Variants in UGT2B7 observed in about 807,000 individuals in gnomAD.
The protein encoded by UGT2B7 is UDP-glucuronosyltransferase 2B7.
Under a neutral mutation model 51.9 loss-of-function variants are expected in UGT2B7, and 51 were observed. That is an observed-to-expected ratio of 0.98 (90% CI 0.78 to 1.24). The LOEUF (loss-of-function observed/expected upper bound fraction) is 1.24, where lower values mean the gene tolerates loss of function less well. UGT2B7 is among the 50% of genes most tolerant of loss of function. UGT2B7 has a pLI of 0.00. For missense variants in UGT2B7, 727 were observed against 628.4 expected (o/e 1.16, Z -1.68); for synonymous variants, 225 against 211.6 (o/e 1.06, Z -0.55).
At chr4:69,076,318 A>G (rs1398775969) in intron 1 of UGT2B7, among the ~76,000 whole-genome samples, 1 of 152,214 alleles carries the variant, frequency 6.6e-6, no homozygotes, top group Non-Finnish European at 1.5e-5. Flanking sequence ...ATGCTGAGTC[A>G]AATGGTATTT....
chr4:69,081,747 A>C (rs1350604131), intron 1 of UGT2B7, among the ~76,000 whole-genome samples: 1 of 152,124 alleles, frequency 6.6e-6, no homozygotes, highest in Middle Eastern at 3.2e-3. Context: ...ATTGCTCCAT[A>C]GATGGATAAT....
intron 2 of UGT2B7, among the ~76,000 whole-genome samples, chr4:69,090,831 GA>G (rs1169127823): frequency 1.3e-5 from 2 of 152,138 alleles, no homozygotes; most frequent in African/African-American, 2.4e-5. Flanking sequence ...CTTGCTAAAG[GA>G]AAATCTTGAT....
At chr4:69,077,231 G>A (rs1718727158) in intron 1 of UGT2B7, among the ~76,000 whole-genome samples, 1 of 151,946 alleles carries the variant, frequency 6.6e-6, no homozygotes, top group African/African-American at 2.4e-5. Context: ...TCCAGCTTTG[G>A]TCTTTTTGCT....
At chr4:69,088,052 A>T (rs1374046627) in intron 1 of UGT2B7, among the ~76,000 whole-genome samples, 1 of 151,120 alleles carries the variant, frequency 6.6e-6, no homozygotes, top group East Asian at 1.9e-4. Flanking sequence ...TCCTTTAAGA[A>T]CTCCTATTAT....
intron 1 of UGT2B7, among the ~76,000 whole-genome samples, chr4:69,078,113 C>T (rs7692377): frequency 0.43 from 65,163 of 151,454 alleles, 15,538 homozygotes; most frequent in African/African-American, 0.64. Context: ...TTGATTTTTG[C>T]ATGTTGAACC....
chr4:69,077,536 C>A (rs1243418011), intron 1 of UGT2B7, among the ~76,000 whole-genome samples: 1 of 151,250 alleles, frequency 6.6e-6, no homozygotes, highest in African/African-American at 2.4e-5. Flanking sequence ...ATTTTATTCT[C>A]TTTGTGTCAA....
intron 1 of UGT2B7, among the ~76,000 whole-genome samples, chr4:69,058,460 A>G (rs1230419718): frequency 6.6e-6 from 1 of 152,214 alleles, no homozygotes; most frequent in Non-Finnish European, 1.5e-5. Context: ...TAGGACCCAA[A>G]TGAGGCAGCC....
At chr4:69,090,317 A>G (rs978587896) in intron 2 of UGT2B7, among the ~76,000 whole-genome samples, 1 of 152,164 alleles carries the variant, frequency 6.6e-6, no homozygotes, top group Non-Finnish European at 1.5e-5. Flanking sequence ...AGTTTTGCCT[A>G]TTAAATTGGA....
upstream of UGT2B7, chr4:69,096,373 T>A: frequency 1.0e-5 from 13 of 1,280,042 alleles, no homozygotes; most frequent in Non-Finnish European, 1.4e-5. Flanking sequence ...GCCATCCACA[T>A]GCTCAGACTG....
At chr4:69,059,636 A>T (rs1718299024) in intron 1 of UGT2B7, among the ~76,000 whole-genome samples, 2 of 77,248 alleles carry the variant, frequency 2.6e-5, no homozygotes, top group Non-Finnish European at 4.5e-5. Flanking sequence ...GTGGTGGTAG[A>T]GTTAAAATCC....
chr4:69,052,056 A>G (rs1350842693), intron 1 of UGT2B7, among the ~76,000 whole-genome samples: 1 of 152,144 alleles, frequency 6.6e-6, no homozygotes, highest in Non-Finnish European at 1.5e-5. Flanking sequence ...GAATTTCAAG[A>G]AAGGATTTAA....
chr4:69,055,098 T>TA (rs1178892377), intron 1 of UGT2B7, among the ~76,000 whole-genome samples: 4,686 of 22,608 alleles, frequency 0.21, 779 homozygotes, highest in East Asian at 0.23. Flanking sequence ...AAGTAATAGC[T>TA]AAAAAAAAAA....
Position 69,112,572 on chromosome 4 carries a change from C to T in UGT2B7, c.1426C>T (p.Leu476Phe), listed in dbSNP as rs1367345982. The part of the protein sequence containing the change: ...FVMRHKGAKH[L>F]RVAAHDLTWF... The stretch of plus-strand genomic sequence containing the variant: ...CATGCGCCACAAAGGAGCTAAACAC[C>T]TTCGGGTTGCAGCCCACGACCTCAC... Residue 476 changes from leucine (L) to phenylalanine (F), a missense_variant, in exon 6 of 6, where the codon CTT (leucine) becomes TTT (phenylalanine). By Grantham distance (22) the Leu-to-Phe change is conservative. Coordinates refer to ENST00000305231, the MANE Select transcript of UGT2B7 (RefSeq NM_001074.4). 1 of 1,613,942 alleles carries T rather than the reference C, an allele frequency of 6.2e-7. No homozygotes were observed. The highest frequency in any genetic ancestry group is 1.7e-5 in the Admixed American group (1 of 60,012).
chr4:69,069,613 G>A (rs1446443960), intron 1 of UGT2B7: 2 of 150,494 alleles, frequency 1.3e-5, no homozygotes, highest in East Asian at 2.0e-4. Flanking sequence ...CATTATATAA[G>A]TTGATGTCTA....
At chr4:69,087,184 GT>G (rs1166768398) in intron 1 of UGT2B7, among the ~76,000 whole-genome samples, 1 of 150,324 alleles carries the variant, frequency 6.7e-6, no homozygotes, top group Non-Finnish European at 1.5e-5. Flanking sequence ...CTAGTAATAT[GT>G]TTTGATTCCA....
At chr4:69,079,775 T>A (rs1436253833) in intron 1 of UGT2B7, among the ~76,000 whole-genome samples, 1 of 152,116 alleles carries the variant, frequency 6.6e-6, no homozygotes. Flanking sequence ...CAAAATTTAC[T>A]TATTTGGCAT....
rs749156574 is a variant in UGT2B7 at position 69,097,181 on chromosome 4, G to T, written c.661G>T (p.Asp221Tyr). 6.2e-7 allele frequency: 1 copy of T among 1,612,744 alleles called. No homozygotes were observed. The highest frequency in any genetic ancestry group is 1.1e-5 in the South Asian group (1 of 90,902). The change falls in exon 1 of 6, where the codon GAC (aspartate) becomes TAC (tyrosine). Residue 221 changes from aspartate to tyrosine, a missense_variant. Transcript: ENST00000305231. ...VKNMIYVLYFDFWFEIFDMKK... is the reference protein window; with the variant it reads ...VKNMIYVLYFYFWFEIFDMKK... ...AAATATGATCTATGTGCTTTACTTT[G>T]ACTTTTGGTTCGAAATATTTGACAT... is the stretch of plus-strand genomic sequence containing the variant.
intron 5 of UGT2B7, among the ~76,000 whole-genome samples, chr4:69,109,188 T>C (rs1299956987): frequency 1.3e-5 from 2 of 152,182 alleles, no homozygotes; most frequent in Admixed American, 1.3e-4. Flanking sequence ...TTGTTTTCAA[T>C]TGTGGCTATT....
intron 3 of UGT2B7, among the ~76,000 whole-genome samples, chr4:69,106,192 T>A (rs7698645): frequency 0.59 from 89,696 of 151,842 alleles, 27,859 homozygotes; most frequent in African/African-American, 0.77. Context: ...TATTGTACTG[T>A]TCGTTTCATC....
Sources: gnomAD v4.1 joint callset for allele counts (sites outside exome capture counted in the v4.1 genomes callset) on GRCh38, gnomAD v4.1.1 for gene constraint, MANE v1.5 for transcripts, NCBI Gene and HGNC (gene_info 2026-07-23, HGNC 2026-07-21) for gene names.